SPAG16: variants seen among roughly 807,000 people sequenced by gnomAD.
SPAG16 encodes the protein sperm associated antigen 16.
A neutral mutation model predicts 80.4 loss-of-function variants in SPAG16; 86 were observed. That is an observed-to-expected ratio of 1.07 (90% CI 0.90 to 1.28). The LOEUF is 1.28. SPAG16 is among the 50% of genes most tolerant of loss of function. SPAG16 has a pLI of 0.00. For missense variants in SPAG16, 870 were observed against 765.3 expected (o/e 1.14, Z -1.61); for synonymous variants, 294 against 265.9 (o/e 1.11, Z -1.03).
At chr2:213,796,812 C>A (rs1256938491) in intron 10 of SPAG16, among the ~76,000 whole-genome samples, 1 of 151,724 alleles carries the variant, frequency 6.6e-6, no homozygotes, top group Non-Finnish European at 1.5e-5. Flanking sequence ...TTTAAGTGTA[C>A]TTCTACTTAT....
intron 10 of SPAG16, among the ~76,000 whole-genome samples, chr2:213,543,651 A>G (rs1004782865): frequency 6.6e-6 from 1 of 151,984 alleles, no homozygotes; most frequent in African/African-American, 2.4e-5. Flanking sequence ...ATCCTGTTCC[A>G]CTGGTCACTT....
intron 15 of SPAG16, among the ~76,000 whole-genome samples, chr2:214,348,953 C>T (rs890643514): frequency 2.6e-5 from 4 of 152,030 alleles, no homozygotes; most frequent in Non-Finnish European, 4.4e-5. Context: ...TAAGAATATA[C>T]GGTCATCTTT....
At chr2:213,924,930 A>G (rs2078397907) in intron 11 of SPAG16, among the ~76,000 whole-genome samples, 1 of 151,948 alleles carries the variant, frequency 6.6e-6, no homozygotes, top group Non-Finnish European at 1.5e-5. Flanking sequence ...TCTTTTAGAT[A>G]TATTAGATGT....
intron 15 of SPAG16, among the ~76,000 whole-genome samples, chr2:214,255,004 G>C (rs553397409): frequency 1.3e-5 from 2 of 152,046 alleles, no homozygotes; most frequent in African/African-American, 4.8e-5. Context: ...GGATAATGGT[G>C]TAACTTCCTG....
In SPAG16 at chr2:213,627,212, A is replaced by G. The variant is rs114207387; in HGVS notation, c.1070+137122A>G. On this transcript the variant is annotated intron_variant, in intron 10 of 15. Coordinates refer to ENST00000331683, the MANE Select transcript of SPAG16 (RefSeq NM_024532.5). The stretch of plus-strand genomic sequence containing the variant: ...GATCCTCACTATTGAAGAGTCTGCA[A>G]GTGCTATAAGATCCTGCATGGCAGA... Among the ~76,000 whole-genome samples the G allele has an allele frequency of 9.3e-3, 1,418 of 152,320 alleles. 20 individuals carry two copies. The highest frequency in any genetic ancestry group is 0.013 in the Non-Finnish European group (868 of 68,032).
At chr2:214,125,472 T>A (rs989084176) in intron 14 of SPAG16, among the ~76,000 whole-genome samples, 1 of 151,760 alleles carries the variant, frequency 6.6e-6, no homozygotes, top group African/African-American at 2.4e-5. Flanking sequence ...GTATTATGGA[T>A]ACAATTCCAT....
chr2:213,916,112 GT>G (rs567627473), intron 11 of SPAG16, among the ~76,000 whole-genome samples: 43 of 152,144 alleles, frequency 2.8e-4, no homozygotes, highest in African/African-American at 9.6e-4. Context: ...AAGCTCTTTA[GT>G]TTAATTAGAT....
chr2:213,361,707 A>G (rs1459136562), intron 7 of SPAG16, among the ~76,000 whole-genome samples: 5 of 151,702 alleles, frequency 3.3e-5, no homozygotes. Flanking sequence ...ATGTCAAGTT[A>G]TGACAAAGGA....
intron 15 of SPAG16, among the ~76,000 whole-genome samples, chr2:214,400,149 G>T (rs1013725798): frequency 6.6e-6 from 1 of 152,100 alleles, no homozygotes; most frequent in Admixed American, 6.6e-5. Context: ...TCTCCTAATA[G>T]GGGGGAAATA....
intron 10 of SPAG16, among the ~76,000 whole-genome samples, chr2:213,809,826 A>G (rs948021905): frequency 6.6e-6 from 1 of 152,204 alleles, no homozygotes; most frequent in African/African-American, 2.4e-5. Context: ...TTTTCCTTTA[A>G]CAACATTAAC....
chr2:214,306,959 G>C (rs1459374389), intron 15 of SPAG16, among the ~76,000 whole-genome samples: 1 of 152,142 alleles, frequency 6.6e-6, no homozygotes, highest in Non-Finnish European at 1.5e-5. Flanking sequence ...AGTAGGAATG[G>C]CACTAGCTCT....
intron 15 of SPAG16, among the ~76,000 whole-genome samples, chr2:214,202,163 T>C (rs2058027167): frequency 6.6e-6 from 1 of 152,238 alleles, no homozygotes; most frequent in Admixed American, 6.5e-5. Context: ...ACATTTCTTA[T>C]AACACGTTTA....
chr2:214,361,323 C>T (rs1699167794), intron 15 of SPAG16, among the ~76,000 whole-genome samples: 1 of 151,836 alleles, frequency 6.6e-6, no homozygotes, highest in Admixed American at 6.6e-5. Flanking sequence ...TCTTATTGCG[C>T]AAGTGGTTGG....
chr2:214,184,821 C>A (rs1036492137), intron 15 of SPAG16, among the ~76,000 whole-genome samples: 1 of 151,866 alleles, frequency 6.6e-6, no homozygotes, highest in Non-Finnish European at 1.5e-5. Flanking sequence ...TGCTTTTTAG[C>A]CATTTAAATT....
intron 11 of SPAG16, among the ~76,000 whole-genome samples, chr2:213,929,277 G>A (rs2078643336): frequency 6.6e-6 from 1 of 151,948 alleles, no homozygotes; most frequent in African/African-American, 2.4e-5. Context: ...GCCACCCAAA[G>A]TGCTGGGATT....
chr2:214,403,021 G>A (rs1050227917), intron 15 of SPAG16, among the ~76,000 whole-genome samples: 5 of 150,628 alleles, frequency 3.3e-5, no homozygotes, highest in African/African-American at 1.2e-4. Context: ...GAATCAAAGT[G>A]GAAGGGATGA....
At chr2:214,324,465 A>G (rs974318224) in intron 15 of SPAG16, among the ~76,000 whole-genome samples, 2 of 152,182 alleles carry the variant, frequency 1.3e-5, no homozygotes, top group South Asian at 4.1e-4. Context: ...TTTCCTCTCT[A>G]AGAATATCCT....
intron 15 of SPAG16, among the ~76,000 whole-genome samples, chr2:214,246,811 CAGTATCATTCCTTAGG>C (rs1689882345): frequency 6.6e-6 from 1 of 152,060 alleles, no homozygotes. Context: ...ATGCAGTATA[CAGTATCATTCCTTAGG>C]TAAAGAAAAA....
At chr2:214,033,064 C>T (rs59571736) in intron 13 of SPAG16, among the ~76,000 whole-genome samples, 38,849 of 151,986 alleles carry the variant, frequency 0.26, 5,410 homozygotes, top group Non-Finnish European at 0.3. Flanking sequence ...AAATGTTTAT[C>T]GTTTTCCTGC....
Sources: allele counts gnomAD v4.1 joint callset (sites outside exome capture counted in the v4.1 genomes callset), GRCh38; gene constraint gnomAD v4.1.1; transcripts MANE v1.5; gene names NCBI Gene and HGNC (gene_info 2026-07-23, HGNC 2026-07-21).